The following PTPRR variants were observed in gnomAD, a reference collection of about 807,000 sequenced individuals.
PTPRR encodes the protein protein tyrosine phosphatase receptor type R, also known as receptor-type tyrosine-protein phosphatase R.
A neutral mutation model predicts 77.2 loss-of-function variants in PTPRR; 38 were observed. That is an observed-to-expected ratio of 0.49 (90% confidence interval 0.38 to 0.65). The LOEUF (loss-of-function observed/expected upper bound fraction) is 0.65, where lower values mean the gene tolerates loss of function less well. Among genes scored for constraint, PTPRR ranks in the 30% least tolerant of loss-of-function variants. The pLI, the probability that PTPRR is intolerant of heterozygous loss-of-function variation, is 0.00. For synonymous variants in PTPRR, 299 were observed against 283.1 expected (o/e 1.06, Z -0.57); for missense variants, 744 against 799.2 (o/e 0.93, Z 0.83).
At chr12:70,904,414 T>C (rs769697343) in intron 1 of PTPRR, among the ~76,000 whole-genome samples, 1 of 151,820 alleles carries the variant, frequency 6.6e-6, no homozygotes, top group Non-Finnish European at 1.5e-5. Flanking sequence ...AACTTGAATA[T>C]AAAAGGCATT....
chr12:70,730,106 G>T (rs1184003421), intron 6 of PTPRR, among the ~76,000 whole-genome samples: 2 of 152,118 alleles, frequency 1.3e-5, no homozygotes, highest in African/African-American at 4.8e-5. Context: ...TATCACCCTA[G>T]AGGATGTAAG....
intron 2 of PTPRR, among the ~76,000 whole-genome samples, chr12:70,808,655 G>T (rs1044675522): frequency 6.6e-6 from 1 of 152,102 alleles, no homozygotes; most frequent in East Asian, 1.9e-4. Flanking sequence ...AAGCAATAAA[G>T]GTCCTCTATG....
At chr12:70,859,804 A>C (rs1892721070) in intron 2 of PTPRR, among the ~76,000 whole-genome samples, 1 of 152,014 alleles carries the variant, frequency 6.6e-6, no homozygotes, top group South Asian at 2.1e-4. Context: ...CAAATAATTT[A>C]TCATTCTAAT....
chr12:70,733,901 G>A (rs1340167643), intron 6 of PTPRR, among the ~76,000 whole-genome samples: 1 of 152,156 alleles, frequency 6.6e-6, no homozygotes, highest in African/African-American at 2.4e-5. Flanking sequence ...TGAGAGGAGA[G>A]TGGTGCCTCA....
chr12:70,766,017 T>C (rs898911473), intron 2 of PTPRR, among the ~76,000 whole-genome samples: 12 of 152,004 alleles, frequency 7.9e-5, no homozygotes, highest in Non-Finnish European at 1.6e-4. Flanking sequence ...CATGTGCACA[T>C]CACCATCATC....
chr12:70,838,966 C>G lies in PTPRR; in HGVS notation c.357+53713G>C, dbSNP rs925701966. On this transcript the variant is annotated intron_variant, in intron 2 of 13. Transcript: ENST00000283228. Reference sequence around the variant, plus strand: ...TCTGTAGATTACACTTCCCTGAGTCCCTTGCAGCTTGCTATGGCTATGTAA... The same window carrying G: ...TCTGTAGATTACACTTCCCTGAGTCGCTTGCAGCTTGCTATGGCTATGTAA... Among the ~76,000 whole-genome samples the G allele has an allele frequency of 2.6e-5, 4 of 152,174 alleles. No individual in the cohort carries two copies. In the South Asian group the frequency reaches 6.2e-4, roughly 24 times the overall value.
In PTPRR at chr12:70,796,498, A is replaced by C. The variant is rs967417519; in HGVS notation, c.358-31720T>G. Among the ~76,000 whole-genome samples, 6 of 152,190 alleles carry C rather than the reference A, an allele frequency of 3.9e-5. No individual in the cohort carries two copies. In the South Asian group the frequency reaches 1.2e-3, roughly 31 times the overall value. On this transcript the variant is annotated intron_variant, in intron 2 of 13. Coordinates refer to ENST00000283228, the MANE Select transcript of PTPRR (RefSeq NM_002849.4). ...GTTTAACATAATCAGTACTTTTATC[A>C]GTGCTAAAGATAATCATGGAAGCTA...
In PTPRR at chr12:70,809,680, A is replaced by G. The variant is rs1188166620; in HGVS notation, c.358-44902T>C. ...TTAAATTCCTTGATGGAAAGTTTTAAGTATCTTCATCTTTGTATTTATTTT... is the reference window on the plus strand; with the variant it reads ...TTAAATTCCTTGATGGAAAGTTTTAGGTATCTTCATCTTTGTATTTATTTT... On this transcript the variant is annotated intron_variant, in intron 2 of 13. Transcript: ENST00000283228. 2.0e-5 allele frequency among the ~76,000 whole-genome samples: 3 copies of G among 152,192 alleles called. No homozygotes were observed. The East Asian group carries it at 5.8e-4, about 29-fold the overall frequency.
chr12:70,709,097 C>A (rs1257379625), intron 6 of PTPRR, among the ~76,000 whole-genome samples: 1 of 152,048 alleles, frequency 6.6e-6, no homozygotes, highest in African/African-American at 2.4e-5. Flanking sequence ...CAAACGAAAT[C>A]CAGCAGCACA....
At chr12:70,766,949 C>T (rs1890839834) in intron 2 of PTPRR, among the ~76,000 whole-genome samples, 1 of 152,098 alleles carries the variant, frequency 6.6e-6, no homozygotes, top group African/African-American at 2.4e-5. Context: ...AAATACTTTA[C>T]AGACAAGCAA....
intron 2 of PTPRR, among the ~76,000 whole-genome samples, chr12:70,856,030 A>G (rs186665249): frequency 1.7e-3 from 253 of 152,164 alleles, no homozygotes; most frequent in Admixed American, 4.1e-3. Context: ...TTTTCCTCCT[A>G]TATCTCTTCA....
intron 2 of PTPRR, among the ~76,000 whole-genome samples, chr12:70,790,309 C>T (rs1434100117): frequency 6.6e-6 from 1 of 152,120 alleles, no homozygotes; most frequent in East Asian, 1.9e-4. Flanking sequence ...TTGCTACATC[C>T]AATGTTCAAT....
At chr12:70,641,833 A>C (rs182602914) in intron 13 of PTPRR, among the ~76,000 whole-genome samples, 52 of 152,298 alleles carry the variant, frequency 3.4e-4, no homozygotes, top group African/African-American at 1.2e-3. Context: ...GGTCCAACTG[A>C]AATAACCCAA....
At chr12:70,746,624 T>C (rs1265457163) in intron 5 of PTPRR, among the ~76,000 whole-genome samples, 1 of 152,154 alleles carries the variant, frequency 6.6e-6, no homozygotes, top group Admixed American at 6.5e-5. Flanking sequence ...ATTTAGGGTA[T>C]CTATGAAAGA....
At chr12:70,886,636 A>G (rs967802681) in intron 2 of PTPRR, among the ~76,000 whole-genome samples, 21 of 152,356 alleles carry the variant, frequency 1.4e-4, no homozygotes, top group African/African-American at 4.8e-4. Flanking sequence ...TATATTTTTA[A>G]TGGAATTTCT....
At chr12:70,657,764 TA>T (rs1225900865) in intron 12 of PTPRR, among the ~76,000 whole-genome samples, 1 of 152,200 alleles carries the variant, frequency 6.6e-6, no homozygotes, top group African/African-American at 2.4e-5. Context: ...AACCATCTTT[TA>T]CATCTCTCCC....
chr12:70,728,472 G>GTA (rs1235917786), intron 6 of PTPRR, among the ~76,000 whole-genome samples: 171 of 10,776 alleles, frequency 0.016, no homozygotes, highest in African/African-American at 0.02. Flanking sequence ...ACATATATGT[G>GTA]TATATATATA....
chr12:70,773,392 C>A (rs535564866), intron 2 of PTPRR, among the ~76,000 whole-genome samples: 1 of 152,140 alleles, frequency 6.6e-6, no homozygotes, highest in African/African-American at 2.4e-5. Context: ...GAGAATTGAC[C>A]AAGAACCTTA....
At chr12:70,803,722 C>A (rs969346511) in intron 2 of PTPRR, among the ~76,000 whole-genome samples, 1 of 152,136 alleles carries the variant, frequency 6.6e-6, no homozygotes, top group Non-Finnish European at 1.5e-5. Context: ...TTCTTTACTA[C>A]CTATCAGAAG....
Sources: gnomAD v4.1 joint callset for allele counts (sites outside exome capture counted in the v4.1 genomes callset) on GRCh38, gnomAD v4.1.1 for gene constraint, MANE v1.5 for transcripts, NCBI Gene and HGNC (gene_info 2026-07-23, HGNC 2026-07-21) for gene names.